Variants in SCFD2 observed in about 807,000 individuals in gnomAD.
The protein encoded by SCFD2 is sec1 family domain-containing protein 2.
SCFD2 carries 54 observed loss-of-function variants against 58.9 expected under a neutral mutation model. That is an observed-to-expected ratio of 0.92 (90% CI 0.74 to 1.15). The LOEUF (loss-of-function observed/expected upper bound fraction) is 1.15. Ranked by LOEUF, SCFD2 falls within the 50% of genes most tolerant of loss-of-function variation. The pLI, the probability that SCFD2 is intolerant of heterozygous loss-of-function variation, is 0.00. For missense variants in SCFD2, 805 were observed against 836.6 expected (o/e 0.96, Z 0.47); for synonymous variants, 321 against 335.9 (o/e 0.96, Z 0.49).
intron 4 of SCFD2, among the ~76,000 whole-genome samples, chr4:53,150,122 T>C (rs1174930553): frequency 6.6e-6 from 1 of 152,200 alleles, no homozygotes; most frequent in Non-Finnish European, 1.5e-5. Context: ...AGAAACTCTC[T>C]GTACTATCTT....
chr4:53,281,310 T>C (rs1203954250), intron 3 of SCFD2, among the ~76,000 whole-genome samples: 1 of 152,222 alleles, frequency 6.6e-6, no homozygotes, highest in Non-Finnish European at 1.5e-5. Context: ...TGCATAGATT[T>C]TTGAATGGGC....
intron 5 of SCFD2, among the ~76,000 whole-genome samples, chr4:53,025,818 G>T (rs911364050): frequency 6.6e-6 from 1 of 152,118 alleles, no homozygotes; most frequent in African/African-American, 2.4e-5. Context: ...GGATCTTATG[G>T]ACTGGATTTT....
At chr4:52,889,698 T>A (rs1413747244) in intron 7 of SCFD2, among the ~76,000 whole-genome samples, 1 of 152,312 alleles carries the variant, frequency 6.6e-6, no homozygotes, top group East Asian at 1.9e-4. Context: ...CTCCATTAAT[T>A]TTAAAGTAAA....
At chr4:52,906,458 T>A (rs1719350571) in intron 7 of SCFD2, among the ~76,000 whole-genome samples, 1 of 152,226 alleles carries the variant, frequency 6.6e-6, no homozygotes, top group South Asian at 2.1e-4. Context: ...CTGGGCCTAC[T>A]TATACCAACT....
At chr4:53,095,968 T>G (rs1457711031) in intron 5 of SCFD2, among the ~76,000 whole-genome samples, 3 of 149,634 alleles carry the variant, frequency 2.0e-5, no homozygotes, top group Non-Finnish European at 3.0e-5. Flanking sequence ...GAACATGCGG[T>G]GTTTGGTTTT....
chr4:53,169,705 CTT>C (rs1413919999), intron 4 of SCFD2, among the ~76,000 whole-genome samples: 1 of 152,172 alleles, frequency 6.6e-6, no homozygotes, highest in Non-Finnish European at 1.5e-5. Flanking sequence ...GCCCACACAT[CTT>C]TTTTTGTTGT....
In SCFD2 at chr4:53,123,532, T is replaced by TGG. The variant is rs11293174; in HGVS notation, c.1561+21799_1561+21800dup. ...CCTTGCTGCTAACATGAGATGGGGG[T>TGG]GGGGGGGGGGCACTGACAAACATTC... On this transcript the variant is annotated intron_variant, in intron 5 of 8. Transcript: ENST00000401642. 9.8e-3 allele frequency among the ~76,000 whole-genome samples: 932 copies of TGG among 95,298 alleles called. 12 individuals carry two copies. The highest frequency in any genetic ancestry group is 0.039 in the African/African-American group (883 of 22,526). The allele number at this position is 95,298 out of a possible 152,430, so 62.5% of individuals were successfully genotyped here. A position where few individuals can be genotyped will look rare whatever the true frequency, so the allele number is the denominator to read the frequency against.
chr4:53,043,756 C>T (rs1413560496), intron 5 of SCFD2, among the ~76,000 whole-genome samples: 1 of 152,048 alleles, frequency 6.6e-6, no homozygotes, highest in Admixed American at 6.6e-5. Context: ...TATTTGGGTA[C>T]TTCGGTATTA....
chr4:53,145,290 G>A (rs759113033), intron 5 of SCFD2, 43 bp downstream of exon 5: 1 of 1,602,650 alleles, frequency 6.2e-7, no homozygotes, highest in South Asian at 1.1e-5. Context: ...CCTGTTTCGT[G>A]TATCAGTGAT....
chr4:52,898,957 G>A (rs1406038444), intron 7 of SCFD2, among the ~76,000 whole-genome samples: 9 of 152,142 alleles, frequency 5.9e-5, no homozygotes, highest in Non-Finnish European at 7.3e-5. Flanking sequence ...TTTTATCCAA[G>A]ACTAGGATTG....
At chr4:53,342,943 G>A (rs1175745754) in intron 2 of SCFD2, among the ~76,000 whole-genome samples, 1 of 152,052 alleles carries the variant, frequency 6.6e-6, no homozygotes, top group Non-Finnish European at 1.5e-5. Flanking sequence ...AGAATCTCTG[G>A]GACACATTTA....
At chr4:52,929,676 C>T (rs1357321751) in intron 5 of SCFD2, among the ~76,000 whole-genome samples, 1 of 152,166 alleles carries the variant, frequency 6.6e-6, no homozygotes, top group African/African-American at 2.4e-5. Flanking sequence ...GCCAGAGAGG[C>T]CCAGAAAGCG....
intron 7 of SCFD2, among the ~76,000 whole-genome samples, chr4:52,891,371 G>A (rs1718873246): frequency 6.6e-6 from 1 of 152,186 alleles, no homozygotes; most frequent in Admixed American, 6.5e-5. Context: ...AGTAAGGAAG[G>A]TGGTGAGTGC....
intron 2 of SCFD2, among the ~76,000 whole-genome samples, chr4:53,350,780 G>C (rs1734194180): frequency 1.3e-5 from 2 of 152,140 alleles, no homozygotes; most frequent in African/African-American, 4.8e-5. Context: ...CACAATCTTG[G>C]CTCACTGCAA....
intron 5 of SCFD2, among the ~76,000 whole-genome samples, chr4:53,127,836 G>A (rs1476730812): frequency 1.3e-5 from 2 of 152,054 alleles, no homozygotes; most frequent in Admixed American, 6.6e-5. Context: ...CAATGTGGAG[G>A]AGTGTGTCAC....
chr4:53,113,498 A>G (rs2148886292), intron 5 of SCFD2, among the ~76,000 whole-genome samples: 1 of 152,246 alleles, frequency 6.6e-6, no homozygotes, highest in Non-Finnish European at 1.5e-5. Context: ...GTTTTAAGCC[A>G]CTGAAATGTT....
intron 2 of SCFD2, among the ~76,000 whole-genome samples, chr4:53,344,778 G>A (rs1560458565): frequency 6.6e-6 from 1 of 151,992 alleles, no homozygotes; most frequent in South Asian, 2.1e-4. Context: ...CAGAACAGAG[G>A]CCTCAGAAGT....
In SCFD2 at chr4:53,180,634, C is replaced by T. The variant is rs5978181; in HGVS notation, c.1312-35052G>A. The stretch of plus-strand genomic sequence containing the variant: ...AACACATTCAAAAGTTAGAAGAAGG[C>T]GAGAAATAACTAAGATCAGAGTAGA... On this transcript the variant is annotated intron_variant, in intron 4 of 8. Transcript: ENST00000401642. Among the ~76,000 whole-genome samples, 1,456 of 151,986 alleles carry T rather than the reference C, an allele frequency of 9.6e-3. 22 individuals are homozygous for T. Among genetic ancestry groups the T allele is most frequent in the African/African-American group, 0.033 (1,372 of 41,452 alleles).
Position 53,365,651 on chromosome 4 carries a change from G to C in SCFD2, c.291C>G (p.His97Gln). The change falls in exon 1 of 9, where the codon CAC (histidine) becomes CAG (glutamine). Residue 97 changes from histidine to glutamine, a missense_variant. Around this residue, in one of 3 missense-constraint regions of SCFD2, gnomAD observed 155 missense variants for 149.7 expected, o/e 1.04. Transcript: ENST00000401642. The surrounding 1 kb of genome is among the most constrained non-coding windows in gnomAD (Gnocchi z 4.3). ...EILRDIICRS[H>Q]FQYCVVVTTV... is the part of the protein sequence containing the mutation. ...TTGTGACCACCACACAATACTGGAAGTGACTGCGGCAGATGATGTCCCGTA... is the reference window on the plus strand; with the variant it reads ...TTGTGACCACCACACAATACTGGAACTGACTGCGGCAGATGATGTCCCGTA... 1 of 1,614,236 alleles carries C rather than the reference G, an allele frequency of 6.2e-7. No homozygotes were observed. Among genetic ancestry groups the C allele is most frequent in the Non-Finnish European group, 8.5e-7 (1 of 1,180,040 alleles).
Sources: allele counts gnomAD v4.1 joint callset (sites outside exome capture counted in the v4.1 genomes callset), GRCh38; gene constraint gnomAD v4.1.1; regional missense constraint gnomAD v4.1.1; non-coding constraint Gnocchi (gnomAD v3.1); transcripts MANE v1.5; gene names NCBI Gene and HGNC (gene_info 2026-07-23, HGNC 2026-07-21).